Variants in SYNPR observed in about 807,000 individuals in gnomAD.
SYNPR encodes synaptoporin.
SYNPR carries 23 observed loss-of-function variants against 32.9 expected under a neutral mutation model. The ratio of observed to expected loss-of-function variants is 0.70; its 90% CI spans 0.50 to 0.99. The LOEUF is 0.99. SYNPR is among the 50% of genes least tolerant of loss of function. The pLI, the probability that SYNPR is intolerant of heterozygous loss-of-function variation, is 0.00. For missense variants in SYNPR, 318 were observed against 349.3 expected (o/e 0.91, Z 0.71); for synonymous variants, 146 against 135.9 (o/e 1.07, Z -0.52).
chr3:63,312,625 AT>A (rs919647640), intron 2 of SYNPR, among the ~76,000 whole-genome samples: 16 of 152,020 alleles, frequency 1.1e-4, no homozygotes, highest in African/African-American at 3.6e-4. Flanking sequence ...GTCTACCCAC[AT>A]GCTTTCCTCT....
At chr3:63,263,739 TA>T (rs1192963141) in intron 2 of SYNPR, among the ~76,000 whole-genome samples, 2 of 152,176 alleles carry the variant, frequency 1.3e-5, no homozygotes, top group Non-Finnish European at 2.9e-5. Context: ...GACTTCTTCT[TA>T]CCCTGGCTGT....
intron 2 of SYNPR, among the ~76,000 whole-genome samples, chr3:63,322,028 C>T (rs2087116153): frequency 6.6e-6 from 1 of 151,906 alleles, no homozygotes; most frequent in Non-Finnish European, 1.5e-5. Flanking sequence ...CTGTTGTTAC[C>T]AGCCCAATTA....
chr3:63,595,570 T>C (rs1699918035), intron 4 of SYNPR, among the ~76,000 whole-genome samples: 1 of 150,620 alleles, frequency 6.6e-6, no homozygotes, highest in Admixed American at 6.7e-5. Context: ...AAACTGGGTT[T>C]GTGTTCTTAC....
At chr3:63,463,952 T>C (rs1700634399) in intron 2 of SYNPR, among the ~76,000 whole-genome samples, 1 of 152,200 alleles carries the variant, frequency 6.6e-6, no homozygotes, top group Non-Finnish European at 1.5e-5. Flanking sequence ...ACATTTTATG[T>C]AGATGCCTTT....
At chr3:63,220,417 A>G in the SYNPR span, among the ~76,000 whole-genome samples, 3 of 152,088 alleles carry the variant, frequency 2.0e-5, no homozygotes, top group South Asian at 4.1e-4. Flanking sequence ...CTGTCCTTGA[A>G]GTCTTCCCTC....
intron 2 of SYNPR, among the ~76,000 whole-genome samples, chr3:63,298,851 G>A (rs562011787): frequency 4.3e-4 from 65 of 152,226 alleles, no homozygotes; most frequent in Admixed American, 8.5e-4. Context: ...CTCTGGGACC[G>A]GTGTAGAACA....
chr3:63,283,345 T>C (rs1356687758), intron 2 of SYNPR, among the ~76,000 whole-genome samples: 1 of 88,470 alleles, frequency 1.1e-5, no homozygotes, highest in Non-Finnish European at 2.7e-5. Context: ...GGGAAAGCTT[T>C]AGCCAATTTC....
chr3:63,465,357 A>G (rs866751785), intron 2 of SYNPR, among the ~76,000 whole-genome samples: 1 of 152,112 alleles, frequency 6.6e-6, no homozygotes, highest in South Asian at 2.1e-4. Flanking sequence ...ATAATAGAAG[A>G]GAGTGAAATT....
chr3:63,394,332 A>T (rs1442588710), intron 2 of SYNPR, among the ~76,000 whole-genome samples: 1 of 152,160 alleles, frequency 6.6e-6, no homozygotes, highest in East Asian at 1.9e-4. Flanking sequence ...GCCTAACTTT[A>T]ACCTTACTCA....
chr3:63,615,186 T>G (rs757737821), intron 5 of SYNPR, 38 bp from the exon 6 acceptor site: 2 of 1,593,038 alleles, frequency 1.3e-6, no homozygotes, highest in African/African-American at 2.7e-5. Context: ...TGGGTTTTTG[T>G]CTAGTCTATC....
chr3:63,278,325 T>A lies in SYNPR; in HGVS notation c.-209T>A, dbSNP rs1365002061. 3.2e-6 allele frequency: 2 copies of A among 615,880 alleles called. No individual in the cohort carries two copies. The highest frequency in any genetic ancestry group is 5.7e-6 in the Non-Finnish European group (2 of 353,318). The allele number at this position is 615,880 out of a possible 1,614,324, so 38.2% of individuals were successfully genotyped here. ...CCCTGCCCACCCCTCGCTGACTCGCTTCGCTTCCCCGACGCGCTGGGTTCC... is the reference window on the plus strand; with the variant it reads ...CCCTGCCCACCCCTCGCTGACTCGCATCGCTTCCCCGACGCGCTGGGTTCC... On this transcript the variant is annotated 5_prime_UTR_variant, in exon 1 of 6. Coordinates refer to ENST00000478300, the MANE Select transcript of SYNPR (RefSeq NM_001130003.2).
intron 3 of SYNPR, among the ~76,000 whole-genome samples, chr3:63,519,734 T>C (rs920671505): frequency 1.3e-5 from 2 of 152,234 alleles, no homozygotes; most frequent in African/African-American, 2.4e-5. Context: ...TGCTAAGCAG[T>C]AACATGCTCA....
At chr3:63,221,246 T>C in the SYNPR span, among the ~76,000 whole-genome samples, 1 of 151,976 alleles carries the variant, frequency 6.6e-6, no homozygotes, top group South Asian at 2.1e-4. Flanking sequence ...AGATGGTAAG[T>C]AAAGTCACAG....
At chr3:63,227,221 A>G (rs1176809576), upstream of SYNPR, among the ~76,000 whole-genome samples, 1 of 152,248 alleles carries the variant, frequency 6.6e-6, no homozygotes, top group Non-Finnish European at 1.5e-5. Context: ...ATTGCTCCAG[A>G]CAGAGAGCGC....
At chr3:63,495,962 C>T (rs868151838) in intron 3 of SYNPR, among the ~76,000 whole-genome samples, 8 of 134,604 alleles carry the variant, frequency 5.9e-5, no homozygotes, top group African/African-American at 1.4e-4. Context: ...CTTTGGATAA[C>T]GGTATGTCAC....
In SYNPR at chr3:63,615,780, C is replaced by A; in HGVS notation, c.*299C>A. The A allele has an allele frequency of 3.9e-6, 1 of 257,162 alleles. No individual in the cohort carries two copies. The highest frequency in any genetic ancestry group is 7.4e-6 in the Non-Finnish European group (1 of 135,798). 15.9% of individuals were successfully genotyped at this position (257,162 alleles called of 1,614,324 possible). ...TTAAAGTAGTAGAAGTATTTTGTAG[C>A]TTAAAGTCTCTAGTATGTAATATGC... is the stretch of plus-strand genomic sequence containing the variant. On this transcript the variant is annotated 3_prime_UTR_variant, in exon 6 of 6. Coordinates refer to ENST00000478300, the MANE Select transcript of SYNPR (RefSeq NM_001130003.2).
At chr3:63,559,388 A>G (rs1214505309) in intron 4 of SYNPR, among the ~76,000 whole-genome samples, 1 of 152,194 alleles carries the variant, frequency 6.6e-6, no homozygotes, top group Non-Finnish European at 1.5e-5. Context: ...TAATACATTT[A>G]ATATGCCAGA....
intron 2 of SYNPR, among the ~76,000 whole-genome samples, chr3:63,349,899 T>C (rs2087483689): frequency 6.6e-6 from 1 of 152,214 alleles, no homozygotes; most frequent in Non-Finnish European, 1.5e-5. Flanking sequence ...TTTGTCTTTT[T>C]AACAAAGGCA....
intron 3 of SYNPR, among the ~76,000 whole-genome samples, chr3:63,508,189 T>C (rs1035862930): frequency 2.6e-5 from 4 of 152,128 alleles, no homozygotes; most frequent in Admixed American, 2.6e-4. Context: ...CTATTTCTGC[T>C]TCCTTCTGTG....
Sources: gnomAD v4.1 joint callset for allele counts (sites outside exome capture counted in the v4.1 genomes callset) on GRCh38, gnomAD v4.1.1 for gene constraint, MANE v1.5 for transcripts, NCBI Gene and HGNC (gene_info 2026-07-23, HGNC 2026-07-21) for gene names.